CPNE4: variants seen among roughly 807,000 people sequenced by gnomAD.
CPNE4 encodes the protein copine 4, also known as copine-4.
A neutral mutation model predicts 67.9 loss-of-function variants in CPNE4; 25 were observed. That is an observed-to-expected ratio of 0.37 (90% CI 0.27 to 0.51). The LOEUF is 0.51. Ranked by LOEUF, CPNE4 falls within the 20% of genes least tolerant of loss-of-function variation. CPNE4 has a pLI of 0.93. For missense variants in CPNE4, 464 were observed against 690.8 expected, an observed-to-expected ratio of 0.67 and a Z score of 3.68; for synonymous variants, 242 against 244.9, an observed-to-expected ratio of 0.99 and a Z score of 0.11.
At chr3:131,924,601 T>A (rs2070842565) in intron 1 of CPNE4, among the ~76,000 whole-genome samples, 1 of 152,200 alleles carries the variant, frequency 6.6e-6, no homozygotes, top group Non-Finnish European at 1.5e-5. Context: ...AAGGCTTGAA[T>A]GTTGATATTT....
chr3:131,682,103 A>G (rs2080773248), intron 6 of CPNE4, among the ~76,000 whole-genome samples: 1 of 152,100 alleles, frequency 6.6e-6, no homozygotes, highest in South Asian at 2.1e-4. Flanking sequence ...GAAAGGTCAC[A>G]TAACTCTTTT....
intron 11 of CPNE4, among the ~76,000 whole-genome samples, chr3:131,561,004 A>G (rs1343107976): frequency 1.3e-5 from 2 of 152,052 alleles, no homozygotes; most frequent in East Asian, 3.9e-4. Context: ...ACTTGAAAAT[A>G]CCTGTCAGAT....
At chr3:131,884,980 A>C (rs1000330243) in intron 2 of CPNE4, among the ~76,000 whole-genome samples, 5 of 152,160 alleles carry the variant, frequency 3.3e-5, no homozygotes, top group Non-Finnish European at 7.3e-5. Flanking sequence ...TTGTACCAAG[A>C]GTGGAGTGTT....
At chr3:131,556,546 A>C (rs1318047847) in intron 11 of CPNE4, among the ~76,000 whole-genome samples, 1 of 152,056 alleles carries the variant, frequency 6.6e-6, no homozygotes. Context: ...CTTTGGTATT[A>C]AAATCTTTAT....
intron 7 of CPNE4, among the ~76,000 whole-genome samples, chr3:131,606,920 C>A (rs1939544089): frequency 6.6e-6 from 1 of 151,556 alleles, no homozygotes; most frequent in Non-Finnish European, 1.5e-5. Flanking sequence ...CTTAGCCTTT[C>A]TGCATAGATT....
At chr3:131,795,222 C>A (rs902095011) in intron 2 of CPNE4, among the ~76,000 whole-genome samples, 1 of 152,086 alleles carries the variant, frequency 6.6e-6, no homozygotes, top group African/African-American at 2.4e-5. Context: ...TTGTAGACAC[C>A]GCCTATAGGG....
At chr3:131,617,960 G>A (rs1940253909) in intron 7 of CPNE4, among the ~76,000 whole-genome samples, 1 of 152,146 alleles carries the variant, frequency 6.6e-6, no homozygotes, top group Non-Finnish European at 1.5e-5. Context: ...CATTTCCAGA[G>A]CAGATGTGTG....
chr3:131,739,390 A>C (rs1387620470), intron 2 of CPNE4, among the ~76,000 whole-genome samples: 1 of 151,906 alleles, frequency 6.6e-6, no homozygotes, highest in African/African-American at 2.4e-5. Context: ...TCTCGTGTAC[A>C]TTTTCCCCTC....
At chr3:131,890,845 G>A (rs2088085680) in intron 2 of CPNE4, among the ~76,000 whole-genome samples, 1 of 152,108 alleles carries the variant, frequency 6.6e-6, no homozygotes, top group South Asian at 2.1e-4. Context: ...AAATAAGCCA[G>A]TCACAGGACA....
At chr3:131,801,665 A>G (rs2084135620) in intron 2 of CPNE4, among the ~76,000 whole-genome samples, 1 of 150,388 alleles carries the variant, frequency 6.6e-6, no homozygotes. Context: ...ATTATCAAAG[A>G]CATGACTCAA....
chr3:131,684,782 C>T (rs1583019292), intron 6 of CPNE4, among the ~76,000 whole-genome samples: 1 of 152,220 alleles, frequency 6.6e-6, no homozygotes, highest in African/African-American at 2.4e-5. Flanking sequence ...CAATGTACCT[C>T]ACTCCTACAA....
At chr3:131,547,150 A>G (rs1425870454) in intron 14 of CPNE4, among the ~76,000 whole-genome samples, 1 of 152,036 alleles carries the variant, frequency 6.6e-6, no homozygotes, top group Non-Finnish European at 1.5e-5. Context: ...GTTGGTCTAT[A>G]ATCCTGAGAA....
At chr3:131,934,072 G>C (rs1422802684) in intron 1 of CPNE4, among the ~76,000 whole-genome samples, 1 of 152,160 alleles carries the variant, frequency 6.6e-6, no homozygotes, top group Non-Finnish European at 1.5e-5. Context: ...TTTTTTCTGA[G>C]AAGGGAGGCA....
chr3:131,819,382 T>C (rs751812971), intron 2 of CPNE4, among the ~76,000 whole-genome samples: 1 of 151,562 alleles, frequency 6.6e-6, no homozygotes, highest in Admixed American at 6.6e-5. Flanking sequence ...TAGGAGAAAA[T>C]GTAATTAAGG....
At chr3:132,001,960 T>C (rs965235523) in intron 1 of CPNE4, among the ~76,000 whole-genome samples, 20 of 152,146 alleles carry the variant, frequency 1.3e-4, no homozygotes, top group African/African-American at 4.6e-4. Flanking sequence ...TTTGTGTTTT[T>C]TTCCTATTTA....
At chr3:131,720,346 A>G (rs1276645821) in intron 3 of CPNE4, among the ~76,000 whole-genome samples, 1 of 139,506 alleles carries the variant, frequency 7.2e-6, no homozygotes, top group Non-Finnish European at 1.5e-5. Context: ...GTGCAGTGGC[A>G]TGATCTCGGC....
upstream of CPNE4, among the ~76,000 whole-genome samples, chr3:132,039,021 T>C (rs1201805894): frequency 1.3e-5 from 2 of 152,186 alleles, no homozygotes; most frequent in Non-Finnish European, 2.9e-5. Flanking sequence ...TAAAATCAAG[T>C]AAAATTAAAA....
At chr3:131,721,259 C>G (rs1429556420) in intron 3 of CPNE4, among the ~76,000 whole-genome samples, 1 of 146,694 alleles carries the variant, frequency 6.8e-6, no homozygotes, top group Non-Finnish European at 1.5e-5. Flanking sequence ...GACTTACTGG[C>G]TTTTGGAAAG....
chr3:131,717,078 A>T (rs889165630), intron 3 of CPNE4, among the ~76,000 whole-genome samples: 4 of 152,222 alleles, frequency 2.6e-5, no homozygotes, highest in Non-Finnish European at 4.4e-5. Context: ...ATCATACTGG[A>T]GAGGAGCAAT....
Sources: allele counts gnomAD v4.1 joint callset (sites outside exome capture counted in the v4.1 genomes callset), GRCh38; gene constraint gnomAD v4.1.1; transcripts MANE v1.5; gene names NCBI Gene and HGNC (gene_info 2026-07-23, HGNC 2026-07-21).